The following ADAM18 variants were observed in gnomAD, a reference collection of about 807,000 sequenced individuals.
ADAM18 encodes the protein disintegrin and metalloproteinase domain-containing protein 18.
Under a neutral mutation model 94.4 loss-of-function variants are expected in ADAM18, and 117 were observed. The observed-to-expected ratio is 1.24, with a 90% CI of 1.07 to 1.45. The LOEUF (loss-of-function observed/expected upper bound fraction) is 1.45, where lower values mean the gene tolerates loss of function less well. ADAM18 is among the 40% of genes most tolerant of loss of function. The probability of loss-of-function intolerance (pLI) is 0.00; values close to 1 mark genes in which losing one functional copy is unlikely to be tolerated. For synonymous variants in ADAM18, 327 were observed against 291.6 expected (o/e 1.12, Z -1.24); for missense variants, 936 against 880.0 (o/e 1.06, Z -0.81).
chr8:39,674,232 T>C (rs113555437), intron 14 of ADAM18, among the ~76,000 whole-genome samples: 11,493 of 152,034 alleles, frequency 0.076, 1,347 homozygotes, highest in African/African-American at 0.25. Context: ...GTGTTAAAGT[T>C]TCCCATTATT....
chr8:39,638,925 T>C (rs1418316328), intron 10 of ADAM18, among the ~76,000 whole-genome samples: 2 of 151,876 alleles, frequency 1.3e-5, no homozygotes, highest in Non-Finnish European at 2.9e-5. Flanking sequence ...ACATACTTTA[T>C]GCTATTTTAA....
At chr8:39,716,855 T>A (rs957629518) in intron 18 of ADAM18, among the ~76,000 whole-genome samples, 35 of 151,974 alleles carry the variant, frequency 2.3e-4, no homozygotes, top group African/African-American at 7.7e-4. Flanking sequence ...CAGTCACTGT[T>A]TGCTTTATAT....
chr8:39,641,725 T>G (rs1292983450), intron 10 of ADAM18, among the ~76,000 whole-genome samples: 1 of 152,020 alleles, frequency 6.6e-6, no homozygotes, highest in Non-Finnish European at 1.5e-5. Flanking sequence ...TCATTCTTTT[T>G]TATGGCCACA....
chr8:39,676,909 A>G (rs1393605217), intron 14 of ADAM18, among the ~76,000 whole-genome samples: 1 of 152,230 alleles, frequency 6.6e-6, no homozygotes, highest in Non-Finnish European at 1.5e-5. Flanking sequence ...CCATCATAAT[A>G]TAGTAGAAGA....
chr8:39,690,625 C>T (rs1318323612), intron 16 of ADAM18, among the ~76,000 whole-genome samples: 4 of 152,080 alleles, frequency 2.6e-5, no homozygotes, highest in Non-Finnish European at 5.9e-5. Flanking sequence ...GTCACTACTA[C>T]TTACATACAG....
intron 18 of ADAM18, 127 bp downstream of exon 18, chr8:39,707,031 G>C: frequency 1.7e-6 from 1 of 579,160 alleles, no homozygotes; most frequent in Non-Finnish European, 3.0e-6. Context: ...ATTTGTGGGG[G>C]ATACATTCTA....
At chr8:39,720,660 G>A (rs201961) in intron 18 of ADAM18, among the ~76,000 whole-genome samples, 60,982 of 150,948 alleles carry the variant, frequency 0.4, 14,271 homozygotes, top group Non-Finnish European at 0.53. Flanking sequence ...GTTTACATTT[G>A]TGAGCTTTCA....
Position 39,692,295 on chromosome 8 carries a change from C to T in ADAM18, c.1822-305C>T, listed in dbSNP as rs956497606. ...ATTAACATAATATAGAAAACTCATA[C>T]GATGAGTGTCTCAATCCAATGCAAG... On this transcript the variant is annotated intron_variant, in intron 16 of 19. Coordinates refer to ENST00000265707, the MANE Select transcript of ADAM18 (RefSeq NM_014237.3). Among the ~76,000 whole-genome samples, 40 of 151,790 alleles carry T rather than the reference C, an allele frequency of 2.6e-4. No individual in the cohort carries two copies. In the East Asian group the frequency reaches 5.8e-3, roughly 22 times the overall value.
chr8:39,610,812 T>G (rs1298373758), intron 6 of ADAM18, 106 bp downstream of exon 6: 2 of 1,339,434 alleles, frequency 1.5e-6, no homozygotes, highest in East Asian at 5.6e-5. Context: ...GAATATTAAA[T>G]TTTATGTATT....
rs199986153 is a variant in ADAM18, at chr8:39,723,180, C to A, written c.2018-568C>A. On this transcript the variant is annotated intron_variant, in intron 18 of 19. Transcript: ENST00000265707. ...CTCAACTTTTTAAGTATTAAAAAAA[C>A]AAAGGTAATAATATGCTTATAGAAT... Among the ~76,000 whole-genome samples the A allele has an allele frequency of 2.0e-4, 17 of 83,932 alleles. No homozygotes were observed. The East Asian group carries it at 2.5e-3, about 13-fold the overall frequency. The allele number at this position is 83,932 out of a possible 152,430, so 55.1% of individuals were successfully genotyped here.
intron 12 of ADAM18, among the ~76,000 whole-genome samples, chr8:39,659,699 C>G (rs1037851593): frequency 2.0e-5 from 3 of 151,986 alleles, no homozygotes; most frequent in African/African-American, 7.2e-5. Context: ...AATAAATTAT[C>G]AGTAATTAAC....
At chr8:39,704,331 C>A (rs1265122522) in intron 17 of ADAM18, among the ~76,000 whole-genome samples, 1 of 152,028 alleles carries the variant, frequency 6.6e-6, no homozygotes, top group Non-Finnish European at 1.5e-5. Context: ...CAACCGAATT[C>A]AGAAGCACAT....
chr8:39,630,884 C>T (rs560091329), intron 7 of ADAM18, among the ~76,000 whole-genome samples: 1 of 152,056 alleles, frequency 6.6e-6, no homozygotes, highest in South Asian at 2.1e-4. Flanking sequence ...TCATTACAAA[C>T]AATTACAATT....
rs769315288 is a variant in ADAM18, at chr8:39,723,907, G to A, written c.2177G>A (p.Arg726His). The A allele has an allele frequency of 5.6e-5, 83 of 1,486,690 alleles. No individual in the cohort carries two copies. The highest frequency in any genetic ancestry group is 1.9e-4 in the South Asian group (14 of 73,234). The allele number at this position is 1,486,690 out of a possible 1,614,324, so 92.1% of individuals were successfully genotyped here. A position where few individuals can be genotyped will look rare whatever the true frequency, so the allele number is the denominator to read the frequency against. The change falls in exon 19 of 20, where the codon CGT becomes CAT. Residue 726 changes from arginine (R) to histidine (H), a missense_variant and splice_region_variant. Transcript: ENST00000265707. ...SCNRENAEYN[R>H]NSSVVSESDD... is the part of the protein sequence containing the mutation. ...AACAGAGAGAATGCAGAGTATAATC[G>A]GTAAATATGATATAGAATCAATGTA...
At chr8:39,686,778 T>C (rs1821616416) in intron 16 of ADAM18, among the ~76,000 whole-genome samples, 1 of 152,246 alleles carries the variant, frequency 6.6e-6, no homozygotes, top group South Asian at 2.1e-4. Flanking sequence ...TTTTAAGAAA[T>C]GCGTAGGAAT....
At chr8:39,670,003 C>A (rs1821109758) in intron 14 of ADAM18, among the ~76,000 whole-genome samples, 1 of 151,448 alleles carries the variant, frequency 6.6e-6, no homozygotes, top group African/African-American at 2.4e-5. Flanking sequence ...TAATGATCGC[C>A]ATTCTAACTG....
intron 17 of ADAM18, among the ~76,000 whole-genome samples, chr8:39,694,539 A>T (rs1166025185): frequency 1.3e-5 from 2 of 151,434 alleles, no homozygotes; most frequent in African/African-American, 4.8e-5. Context: ...CTGATTTTGT[A>T]TCAAGGTTAT....
At chr8:39,600,886 T>G (rs1319237732) in intron 2 of ADAM18, among the ~76,000 whole-genome samples, 1 of 152,246 alleles carries the variant, frequency 6.6e-6, no homozygotes, top group Non-Finnish European at 1.5e-5. Context: ...AATTCCTATT[T>G]GTATTAGTCT....
intron 19 of ADAM18, among the ~76,000 whole-genome samples, chr8:39,724,926 G>T: frequency 7.0e-6 from 1 of 142,848 alleles, no homozygotes. Context: ...TACTTCATTT[G>T]ATTTCAATCA....
Sources: gnomAD v4.1 joint callset for allele counts (sites outside exome capture counted in the v4.1 genomes callset) on GRCh38, gnomAD v4.1.1 for gene constraint, MANE v1.5 for transcripts, NCBI Gene and HGNC (gene_info 2026-07-23, HGNC 2026-07-21) for gene names.